Variants in PIR observed in about 807,000 individuals in gnomAD.
PIR encodes pirin (iron-binding nuclear protein).
A neutral mutation model predicts 24.2 loss-of-function variants in PIR; 22 were observed. The ratio of observed to expected loss-of-function variants is 0.91; its 90% CI spans 0.65 to 1.30. The LOEUF is 1.30. PIR is among the 50% of genes most tolerant of loss of function. The pLI is 0.00. For missense variants in PIR, 220 were observed against 220.3 expected (o/e 1.00, Z 0.01); for synonymous variants, 80 against 79.6 (o/e 1.00, Z -0.03).
Position 15,466,238 on chromosome X carries a change from T to C in PIR, c.190-6498A>G, listed in dbSNP as rs141771154. 1.1e-3 allele frequency among the ~76,000 whole-genome samples: 120 copies of C among 111,480 alleles called. 1 individual carries two copies. In the East Asian group the frequency reaches 0.019, roughly 18 times the overall value. ...AGTAGAAACCGGGAAAATCACCCAA[T>C]TGACTAAATTGACTCACCCAATCCC... On this transcript the variant is annotated intron_variant, in intron 3 of 9. Transcript: ENST00000380420.
chrX:15,397,068 A>C (rs1220827142), intron 8 of PIR, among the ~76,000 whole-genome samples: 1 of 112,466 alleles, frequency 8.9e-6, no homozygotes, highest in East Asian at 2.8e-4. Flanking sequence ...AAAGGGCTCT[A>C]TGTGAGTATG....
chrX:15,487,637 T>C (rs1922909260), intron 2 of PIR, among the ~76,000 whole-genome samples: 1 of 112,215 alleles, frequency 8.9e-6, no homozygotes, highest in Non-Finnish European at 1.9e-5. Flanking sequence ...TAGAAGCAAG[T>C]GCAGATTAGT....
intron 5 of PIR, among the ~76,000 whole-genome samples, chrX:15,447,508 C>T (rs948345611): frequency 1.3e-4 from 15 of 111,480 alleles, no homozygotes; most frequent in Non-Finnish European, 2.6e-4. Flanking sequence ...TTAGTAGAGA[C>T]GGGGTTTCAC....
chrX:15,457,278 A>C (rs886723385), intron 4 of PIR, among the ~76,000 whole-genome samples: 1 of 111,398 alleles, frequency 9.0e-6, no homozygotes, highest in Non-Finnish European at 1.9e-5. Flanking sequence ...ACATATGGTC[A>C]GTGAGGGCTG....
chrX:15,387,755 G>A (rs191448354), intron 9 of PIR, among the ~76,000 whole-genome samples: 79 of 111,614 alleles, frequency 7.1e-4, no homozygotes, highest in East Asian at 8.5e-4. Context: ...ACTGTTTTCT[G>A]TAAGAATGGT....
chrX:15,450,816 C>G (rs1225033989), intron 5 of PIR, among the ~76,000 whole-genome samples: 1 of 112,110 alleles, frequency 8.9e-6, no homozygotes, highest in Non-Finnish European at 1.9e-5. Flanking sequence ...AGAAGGAATA[C>G]TGACAAAATT....
intron 9 of PIR, chrX:15,389,903 T>C (rs1923898512): frequency 6.0e-6 from 1 of 165,931 alleles, no homozygotes. Context: ...AAATTCCCTA[T>C]GACATAATAC....
chrX:15,485,080 A>C (rs1249156576), intron 2 of PIR, among the ~76,000 whole-genome samples: 1 of 112,490 alleles, frequency 8.9e-6, no homozygotes, highest in African/African-American at 3.2e-5. Flanking sequence ...TCAGCCATCA[A>C]AACAGAAACC....
intron 7 of PIR, among the ~76,000 whole-genome samples, chrX:15,404,152 A>G (rs914042895): frequency 1.4e-4 from 16 of 110,611 alleles, no homozygotes; most frequent in African/African-American, 5.0e-4. Flanking sequence ...GGCGTGCATC[A>G]CCACACCCGG....
rs1922736321 is a variant in PIR at position 15,485,006 on chromosome X, T to C, written c.97-5185A>G. ...CCCATATTATAAAAAATGAGAAACA[T>C]GTTCAGGAGAAAACACCAAGGGTGT... is the stretch of plus-strand genomic sequence containing the variant. On this transcript the variant is annotated intron_variant, in intron 2 of 9. Transcript: ENST00000380420. Among the ~76,000 whole-genome samples the C allele has an allele frequency of 4.5e-5, 5 of 112,075 alleles. No homozygotes were observed. In the South Asian group the frequency reaches 1.9e-3, roughly 42 times the overall value.
At chrX:15,480,154 G>A (rs1445218727) in intron 2 of PIR, among the ~76,000 whole-genome samples, 2 of 80,371 alleles carry the variant, frequency 2.5e-5, no homozygotes, top group African/African-American at 1.1e-4. Context: ...TTTTAAAAAT[G>A]GGAGTTTCTC....
At position 15,390,262 on chromosome X, in the gene PIR, C is replaced by A. The variant is rs1005637261; in HGVS notation, c.694-11G>T. On this transcript the variant is annotated splice_polypyrimidine_tract_variant and intron_variant, in intron 8 of 9. Transcript: ENST00000380420. ...GCTTCTCTTGGGATCCTAAAGTTAA[C>A]AAAGAAAACATCAAACAATAAGCAG... 1.9e-6 allele frequency: 2 copies of A among 1,028,209 alleles called. No homozygotes were observed. The highest frequency in any genetic ancestry group is 2.5e-5 in the Admixed American group (1 of 40,333). 84.7% of individuals were successfully genotyped at this position (1,028,209 alleles called of 1,213,427 possible). A position where few individuals can be genotyped will look rare whatever the true frequency, so the allele number is the denominator to read the frequency against.
At chrX:15,414,122 C>T in intron 6 of PIR, among the ~76,000 whole-genome samples, 1 of 112,198 alleles carries the variant, frequency 8.9e-6, no homozygotes, top group East Asian at 2.8e-4. Flanking sequence ...GGAGGGCAAA[C>T]CCTGCTGATT....
At chrX:15,411,779 T>C (rs1034819797) in intron 6 of PIR, among the ~76,000 whole-genome samples, 5 of 111,670 alleles carry the variant, frequency 4.5e-5, no homozygotes, top group African/African-American at 1.6e-4. Flanking sequence ...TGCCTGGTTC[T>C]TCCCTCCCGC....
chrX:15,460,025 A>G (rs958344311), intron 3 of PIR, among the ~76,000 whole-genome samples: 1 of 111,591 alleles, frequency 9.0e-6, no homozygotes. Flanking sequence ...GAAAAATGCA[A>G]ATGAAAGCTA....
rs1245478936 is a variant in PIR at position 15,474,284 on chromosome X, A to T, written c.189+5445T>A. Among the ~76,000 whole-genome samples the T allele has an allele frequency of 2.7e-5, 3 of 112,243 alleles. No individual in the cohort carries two copies. In the Admixed American group the frequency reaches 2.8e-4, roughly 11 times the overall value. On this transcript the variant is annotated intron_variant, in intron 3 of 9. Transcript: ENST00000380420. Reference sequence around the variant, plus strand: ...GCCTTGTTTGAACACTCAGCAGTGTATGAGTGGTTGAAGTATGGCTGCTGG... The same window carrying T: ...GCCTTGTTTGAACACTCAGCAGTGTTTGAGTGGTTGAAGTATGGCTGCTGG...
chrX:15,487,026 T>G (rs1335943878), intron 2 of PIR, among the ~76,000 whole-genome samples: 5 of 111,783 alleles, frequency 4.5e-5, no homozygotes, highest in African/African-American at 1.6e-4. Context: ...AGGAACAGGC[T>G]CCTCAAGATT....
chrX:15,393,661 T>G (rs1009616201), intron 8 of PIR, among the ~76,000 whole-genome samples: 1 of 110,402 alleles, frequency 9.1e-6, no homozygotes, highest in Non-Finnish European at 1.9e-5. Context: ...TGTTGTGAAC[T>G]GCACATGTGA....
chrX:15,486,298 C>CAAAAAAAA (rs59774013), intron 2 of PIR, among the ~76,000 whole-genome samples: 8 of 39,682 alleles, frequency 2.0e-4, no homozygotes, highest in Admixed American at 9.1e-4. Context: ...GACTCTGTCT[C>CAAAAAAAA]AAAAAAAAAA....
Sources: allele counts gnomAD v4.1 joint callset (sites outside exome capture counted in the v4.1 genomes callset), GRCh38; gene constraint gnomAD v4.1.1; transcripts MANE v1.5; gene names NCBI Gene and HGNC (gene_info 2026-07-23, HGNC 2026-07-21).